GPHN: variants seen among roughly 807,000 people sequenced by gnomAD.
The protein encoded by GPHN is gephyrin.
Under a neutral mutation model 95.5 loss-of-function variants are expected in GPHN, and 17 were observed. The ratio of observed to expected loss-of-function variants is 0.18; its 90% CI spans 0.12 to 0.27. The LOEUF (loss-of-function observed/expected upper bound fraction) is 0.27. Ranked by LOEUF, GPHN falls within the 10% of genes least tolerant of loss-of-function variation. GPHN has a pLI of 1.00. For missense variants in GPHN, 660 were observed against 978.1 expected, an observed-to-expected ratio of 0.67 and a Z score of 4.34; for synonymous variants, 320 against 322.5, an observed-to-expected ratio of 0.99 and a Z score of 0.08.
chr14:67,347,790 G>A, the GPHN span, among the ~76,000 whole-genome samples: 2 of 151,706 alleles, frequency 1.3e-5, no homozygotes, highest in Admixed American at 1.3e-4. Flanking sequence ...ATGAGCCACC[G>A]CGCCTGGCCT....
At chr14:67,429,326 G>A in the GPHN span, among the ~76,000 whole-genome samples, 2 of 151,478 alleles carry the variant, frequency 1.3e-5, no homozygotes, top group Non-Finnish European at 2.9e-5. Flanking sequence ...CGGCTCCCGG[G>A]TTCAAGCGAT....
At position 66,981,356 on chromosome 14, in the gene GPHN, T is replaced by C. The variant is rs558347898; in HGVS notation, c.963+16031T>C. On this transcript the variant is annotated intron_variant, in intron 9 of 22. Coordinates refer to ENST00000478722, the MANE Select transcript of GPHN (RefSeq NM_020806.5). ...TTCTATGATGAGGCACCAGCTTTAC[T>C]GAAAGGGCTGAATAATATAATATTA... Among the ~76,000 whole-genome samples the C allele has an allele frequency of 7.6e-4, 116 of 152,272 alleles. 1 individual carries two copies. Among genetic ancestry groups the C allele is most frequent in the African/African-American group, 2.7e-3 (114 of 41,560 alleles).
the GPHN span, among the ~76,000 whole-genome samples, chr14:67,406,991 G>A: frequency 6.6e-6 from 1 of 152,138 alleles, no homozygotes. Context: ...GGTGCTTGGA[G>A]TTCCCTGGAT....
At chr14:67,575,392 G>A in the GPHN span, 1 of 1,595,986 alleles carries the variant, frequency 6.3e-7, no homozygotes, top group Non-Finnish European at 8.6e-7. Context: ...TGTCTTACAG[G>A]TAAAGCATGG....
At chr14:66,722,670 T>C (rs2070870679) in intron 2 of GPHN, among the ~76,000 whole-genome samples, 4 of 152,070 alleles carry the variant, frequency 2.6e-5, no homozygotes, top group Admixed American at 2.6e-4. Context: ...CTTGAACTCC[T>C]GGCTTCAAGT....
At chr14:67,467,021 C>G in the GPHN span, 2 of 148,314 alleles carry the variant, frequency 1.3e-5, no homozygotes, top group Non-Finnish European at 3.0e-5. Flanking sequence ...AAAAAAGACT[C>G]CAGCCTATCT....
the GPHN span, among the ~76,000 whole-genome samples, chr14:67,245,975 G>A: frequency 1.3e-5 from 2 of 151,586 alleles, no homozygotes; most frequent in Non-Finnish European, 2.9e-5. Context: ...TTATTTGTTT[G>A]TCCAGTTCCA....
the GPHN span, among the ~76,000 whole-genome samples, chr14:67,286,957 C>T: frequency 2.9e-4 from 44 of 151,954 alleles, no homozygotes; most frequent in East Asian, 8.3e-3. Context: ...GTGGCTCACG[C>T]CTGTAATCTC....
the GPHN span, chr14:67,385,046 C>T: frequency 7.9e-5 from 12 of 152,098 alleles, no homozygotes. Flanking sequence ...CTGGTGGCGT[C>T]GATGGTGAGT....
intron 1 of GPHN, among the ~76,000 whole-genome samples, chr14:66,658,831 T>C (rs960052700): frequency 6.6e-6 from 1 of 151,814 alleles, no homozygotes; most frequent in African/African-American, 2.4e-5. Context: ...CTCCAAGGTG[T>C]GCTTGTAATT....
chr14:67,379,896 C>T, the GPHN span, among the ~76,000 whole-genome samples: 26 of 151,884 alleles, frequency 1.7e-4, no homozygotes, highest in African/African-American at 5.3e-4. Flanking sequence ...CCTCGTGATC[C>T]GCCCGCCTCG....
At chr14:66,553,952 A>G (rs1477072155) in intron 1 of GPHN, among the ~76,000 whole-genome samples, 1 of 152,156 alleles carries the variant, frequency 6.6e-6, no homozygotes, top group Non-Finnish European at 1.5e-5. Flanking sequence ...TTTCTCAGTT[A>G]ATCTAAATTA....
At chr14:66,711,967 C>T (rs918627303) in intron 2 of GPHN, among the ~76,000 whole-genome samples, 8 of 152,174 alleles carry the variant, frequency 5.3e-5, no homozygotes, top group African/African-American at 1.9e-4. Context: ...ATATGTGCCA[C>T]ATTTTCTTAA....
chr14:67,728,684 C>T, the GPHN span, among the ~76,000 whole-genome samples: 37 of 137,376 alleles, frequency 2.7e-4, no homozygotes, highest in African/African-American at 8.8e-4. Context: ...AAAATAGTGA[C>T]CGCACCAGGG....
At chr14:67,059,029 A>T (rs982718821) in intron 11 of GPHN, 15 of 556,812 alleles carry the variant, frequency 2.7e-5, no homozygotes, top group African/African-American at 1.9e-4. Flanking sequence ...AAAAAAAAAA[A>T]GGAAGAAAAT....
the GPHN span, among the ~76,000 whole-genome samples, chr14:67,437,208 A>G: frequency 6.6e-6 from 1 of 152,230 alleles, no homozygotes; most frequent in Non-Finnish European, 1.5e-5. Flanking sequence ...GGAAGCTACA[A>G]TCATGAACAG....
intron 1 of GPHN, among the ~76,000 whole-genome samples, chr14:66,529,724 C>G (rs1470047593): frequency 1.3e-5 from 2 of 149,960 alleles, no homozygotes; most frequent in African/African-American, 2.4e-5. Flanking sequence ...ACTCAGGCCT[C>G]TCTGCTGAAG....
the GPHN span, chr14:67,312,441 T>TA: frequency 1.0e-6 from 1 of 972,824 alleles, no homozygotes; most frequent in Non-Finnish European, 1.4e-6. Context: ...TAAAAAATAA[T>TA]AAAAAATTTG....
chr14:67,200,522 A>C, the GPHN span: 1 of 284,278 alleles, frequency 3.5e-6, no homozygotes, highest in African/African-American at 2.3e-5. Context: ...TTGCAAATGC[A>C]CAGAGAAAAT....
Sources: allele counts gnomAD v4.1 joint callset (sites outside exome capture counted in the v4.1 genomes callset), GRCh38; gene constraint gnomAD v4.1.1; transcripts MANE v1.5; gene names NCBI Gene and HGNC (gene_info 2026-07-23, HGNC 2026-07-21).